PLAGL2: variants seen among roughly 807,000 people sequenced by gnomAD.
PLAGL2 encodes zinc finger protein PLAGL2.
Under a neutral mutation model 29.0 loss-of-function variants are expected in PLAGL2, and 7 were observed. The observed-to-expected ratio is 0.24, with a 90% CI of 0.14 to 0.45. PLAGL2 has a LOEUF of 0.45. Ranked by LOEUF, PLAGL2 falls within the 20% of genes least tolerant of loss-of-function variation. The pLI is 0.99. For synonymous variants in PLAGL2, 234 were observed against 266.0 expected, an observed-to-expected ratio of 0.88 and a Z score of 1.17; for missense variants, 454 against 648.2, an observed-to-expected ratio of 0.70 and a Z score of 3.25.
chr20:32,196,373 C>T lies in PLAGL2; in HGVS notation c.*79G>A, dbSNP rs2047227867. ...AACCCAGCTCTGAAAGCTCAGCTGC[C>T]TTCATGGGGGACACAGACGGGGTGG... On this transcript the variant is annotated 3_prime_UTR_variant, in exon 3 of 3. Transcript: ENST00000246229. 9.0e-7 allele frequency: 1 copy of T among 1,116,658 alleles called. No individual in the cohort carries two copies. Among genetic ancestry groups the T allele is most frequent in the African/African-American group, 1.6e-5 (1 of 62,362 alleles). 69.2% of individuals were successfully genotyped at this position (1,116,658 alleles called of 1,614,324 possible). A position where few individuals can be genotyped will look rare whatever the true frequency, so the allele number is the denominator to read the frequency against.
Position 32,196,695 on chromosome 20 carries a change from G to C in PLAGL2, c.1248C>G (p.His416Gln). 1 of 1,555,862 alleles carries C rather than the reference G, an allele frequency of 6.4e-7. No individual in the cohort carries two copies. Among genetic ancestry groups the C allele is most frequent in the South Asian group, 1.2e-5 (1 of 80,658 alleles). Reference sequence around the variant, plus strand: ...GGTTGAGTGGAAGAAAGCCCAGTAGGTGGGAGAAGTCCACATTAGCAGCGC... The same window carrying C: ...GGTTGAGTGGAAGAAAGCCCAGTAGCTGGGAGAAGTCCACATTAGCAGCGC... Reference protein sequence around the residue: ...ALCAANVDFSHLLGFLPLNLP... With the variant: ...ALCAANVDFSQLLGFLPLNLP... Residue 416 changes from histidine (H) to glutamine (Q), a missense_variant, in exon 3 of 3, where the codon CAC (histidine) becomes CAG (glutamine). Coordinates refer to ENST00000246229, the MANE Select transcript of PLAGL2 (RefSeq NM_002657.3).
In PLAGL2 at chr20:32,202,237, AG is replaced by A; in HGVS notation, c.-60del. On this transcript the variant is annotated 5_prime_UTR_variant, in exon 2 of 3. Transcript: ENST00000246229. ...GAAAGCCTCCCCATCCGCTCCACAC[AG>A]GCTCTCAGCTCTGTCACAGCCTCCA... 6.4e-7 allele frequency: 1 copy of A among 1,570,198 alleles called. No individual in the cohort carries two copies. Among genetic ancestry groups the A allele is most frequent in the Non-Finnish European group, 8.7e-7 (1 of 1,146,098 alleles).
rs2122523890 is a variant in PLAGL2 at position 32,193,247 on chromosome 20, G to C, written c.*3205C>G. The C allele has an allele frequency of 6.6e-6, 1 of 152,260 alleles. No individual in the cohort carries two copies. The highest frequency in any genetic ancestry group is 2.4e-5 in the African/African-American group (1 of 41,528). 9.4% of individuals were successfully genotyped at this position (152,260 alleles called of 1,614,324 possible). A position where few individuals can be genotyped will look rare whatever the true frequency, so the allele number is the denominator to read the frequency against. ...AGAAAACAGCTACCAAAAAGGGAGG[G>C]GGGAGTTTAAAGGACTACTAGGGAA... On this transcript the variant is annotated 3_prime_UTR_variant, in exon 3 of 3. Coordinates refer to ENST00000246229, the MANE Select transcript of PLAGL2 (RefSeq NM_002657.3).
rs933707154 is a variant in PLAGL2 at position 32,196,397 on chromosome 20, G to A, written c.*55C>T. 19 of 1,267,394 alleles carry A rather than the reference G, an allele frequency of 1.5e-5. No individual in the cohort carries two copies. The highest frequency in any genetic ancestry group is 4.6e-5 in the African/African-American group (3 of 65,660). 78.5% of individuals were successfully genotyped at this position (1,267,394 alleles called of 1,614,324 possible). On this transcript the variant is annotated 3_prime_UTR_variant, in exon 3 of 3. Transcript: ENST00000246229. Reference sequence around the variant, plus strand: ...CCTTCATGGGGGACACAGACGGGGTGGGTACTAAGGCTCCATAACAGAGCC... The same window carrying A: ...CCTTCATGGGGGACACAGACGGGGTAGGTACTAAGGCTCCATAACAGAGCC...
At position 32,202,195 on chromosome 20, in the gene PLAGL2, A is replaced by G. The variant is rs372432777; in HGVS notation, c.-17T>C. 2 of 1,613,084 alleles carry G rather than the reference A, an allele frequency of 1.2e-6. No homozygotes were observed. The highest frequency in any genetic ancestry group is 1.7e-6 in the Non-Finnish European group (2 of 1,179,382). On this transcript the variant is annotated 5_prime_UTR_variant, in exon 2 of 3. Coordinates refer to ENST00000246229, the MANE Select transcript of PLAGL2 (RefSeq NM_002657.3). ...TGTGGTCATGGCAAGGCTAATGGCA[A>G]AGGGCCATGTTATTGAGAAAGCCTC... is the stretch of plus-strand genomic sequence containing the variant.
At chr20:32,200,863 GGATTACAAGTGCGA>G (rs2047255976) in intron 2 of PLAGL2, among the ~76,000 whole-genome samples, 1 of 152,172 alleles carries the variant, frequency 6.6e-6, no homozygotes, top group South Asian at 2.1e-4. Context: ...CAAAGTGCTG[GGATTACAAGTGCGA>G]GCCACCACGC....
At position 32,196,475 on chromosome 20, in the gene PLAGL2, G is replaced by A. The variant is rs145582553; in HGVS notation, c.1468C>T (p.Arg490Cys). 10 of 1,481,558 alleles carry A rather than the reference G, an allele frequency of 6.7e-6. No individual in the cohort carries two copies. The African/African-American group carries it at 7.0e-5, about 10-fold the overall frequency. The allele number at this position is 1,481,558 out of a possible 1,614,324, so 91.8% of individuals were successfully genotyped here. A position where few individuals can be genotyped will look rare whatever the true frequency, so the allele number is the denominator to read the frequency against. The change falls in exon 3 of 3, where the codon CGT (arginine) becomes TGT (cysteine). Residue 490 changes from arginine (R) to cysteine (C), a missense_variant. Arg to Cys is a radical substitution (Grantham distance 180). Transcript: ENST00000246229. ...GGCTACTGGAATGCTTGATGGAAAC[G>A]AGGCAGGGTGGTGCTACTCAGGCCA... ...TSGLSSTTLP[R>C]FHQAFQ
At chr20:32,203,602 T>C (rs1399005856) in intron 1 of PLAGL2, among the ~76,000 whole-genome samples, 5 of 152,082 alleles carry the variant, frequency 3.3e-5, no homozygotes, top group Non-Finnish European at 7.4e-5. Flanking sequence ...CTGGGGATTA[T>C]CCACGAGAAT....
In PLAGL2 at chr20:32,196,875, T is replaced by C. The variant is rs1203650514; in HGVS notation, c.1068A>G (p.Lys356=). 2.5e-6 allele frequency: 4 copies of C among 1,614,120 alleles called. No individual in the cohort carries two copies. The highest frequency in any genetic ancestry group is 3.3e-5 in the Admixed American group (2 of 60,026). ...STSYLPDKLP[K]VEVDSFLAEL... ...CCGCCAGAAAACTATCCACCTCCAC[T>C]TTGGGCAATTTGTCGGGCAAGTATG... Residue 356 remains lysine, a synonymous_variant, in exon 3 of 3, where the codon AAA becomes AAG. Coordinates refer to ENST00000246229, the MANE Select transcript of PLAGL2 (RefSeq NM_002657.3).
chr20:32,196,592 T>C lies in PLAGL2; in HGVS notation c.1351A>G (p.Thr451Ala). The change falls in exon 3 of 3, where the codon ACC (threonine) becomes GCC (alanine). Residue 451 changes from threonine (T) to alanine (A), a missense_variant. Coordinates refer to ENST00000246229, the MANE Select transcript of PLAGL2 (RefSeq NM_002657.3). The part of the protein sequence containing the change: ...YSQAEAQPLL[T>A]TLQAQPQDSP... The stretch of plus-strand genomic sequence containing the variant: ...TCTTGAGGCTGAGCTTGCAAAGTGG[T>C]AAGCAGGGGCTGTGCCTCAGCCTGG... The C allele has an allele frequency of 1.3e-6, 2 of 1,539,962 alleles. No homozygotes were observed. The highest frequency in any genetic ancestry group is 8.7e-7 in the Non-Finnish European group (1 of 1,147,918).
In PLAGL2 at chr20:32,196,776, G is replaced by T. The variant is rs770111645; in HGVS notation, c.1167C>A (p.Ala389=). 12 of 1,607,222 alleles carry T rather than the reference G, an allele frequency of 7.5e-6. No individual in the cohort carries two copies. The highest frequency in any genetic ancestry group is 9.4e-6 in the Non-Finnish European group (11 of 1,176,078). The change falls in exon 3 of 3, where the codon GCC becomes GCA. Residue 389 remains alanine (A), a synonymous_variant. Coordinates refer to ENST00000246229, the MANE Select transcript of PLAGL2 (RefSeq NM_002657.3). ...TGGCAAGCAGTGCTTCATCTAGGAG[G>T]GCCGCAGCTGCCGCCGGCTGAGGTG... The part of the protein sequence containing the change: ...PASPQPAAAA[A]LLDEALLAKS...
chr20:32,201,535 T>C (rs528700763), intron 2 of PLAGL2, among the ~76,000 whole-genome samples: 10 of 152,258 alleles, frequency 6.6e-5, no homozygotes, highest in African/African-American at 1.9e-4. Context: ...AGTGAGCTGA[T>C]TGCACCACTG....
intron 1 of PLAGL2, among the ~76,000 whole-genome samples, chr20:32,205,108 T>C (rs570804274): frequency 2.0e-5 from 3 of 152,328 alleles, no homozygotes; most frequent in Admixed American, 6.5e-5. Flanking sequence ...AAGATTCGTA[T>C]AGAGGATTAA....
chr20:32,198,134 G>C (rs1242662533), intron 2 of PLAGL2, among the ~76,000 whole-genome samples: 1 of 152,176 alleles, frequency 6.6e-6, no homozygotes, highest in Admixed American at 6.5e-5. Context: ...CTTGTATATG[G>C]CTAAAATATT....
chr20:32,195,769 G>C lies in PLAGL2; in HGVS notation c.*683C>G, dbSNP rs1009827430. 6 of 152,730 alleles carry C rather than the reference G, an allele frequency of 3.9e-5. No homozygotes were observed. The highest frequency in any genetic ancestry group is 1.2e-4 in the African/African-American group (5 of 41,462). 9.5% of individuals were successfully genotyped at this position (152,730 alleles called of 1,614,324 possible). Reference sequence around the variant, plus strand: ...AGGCTGGTGCCAACTGGAATGGACTGATGGGAATGGATTCACGGTGTGTAA... The same window carrying C: ...AGGCTGGTGCCAACTGGAATGGACTCATGGGAATGGATTCACGGTGTGTAA... On this transcript the variant is annotated 3_prime_UTR_variant, in exon 3 of 3. Coordinates refer to ENST00000246229, the MANE Select transcript of PLAGL2 (RefSeq NM_002657.3).
rs1470431400 is a variant in PLAGL2 at position 32,193,713 on chromosome 20, T to C, written c.*2739A>G. 1 of 152,134 alleles carries C rather than the reference T, an allele frequency of 6.6e-6. No homozygotes were observed. The highest frequency in any genetic ancestry group is 1.5e-5 in the Non-Finnish European group (1 of 68,068). 9.4% of individuals were successfully genotyped at this position (152,134 alleles called of 1,614,324 possible). A position where few individuals can be genotyped will look rare whatever the true frequency, so the allele number is the denominator to read the frequency against. On this transcript the variant is annotated 3_prime_UTR_variant, in exon 3 of 3. Transcript: ENST00000246229. Reference sequence around the variant, plus strand: ...GTAAGCATACTGAAGTGAGTTCGGGTACTGAGTGCAGGATAAAGCTATTCT... The same window carrying C: ...GTAAGCATACTGAAGTGAGTTCGGGCACTGAGTGCAGGATAAAGCTATTCT...
Position 32,197,507 on chromosome 20 carries a change from G to C in PLAGL2, c.436C>G (p.Leu146Val), listed in dbSNP as rs1445423964. The C allele has an allele frequency of 1.9e-6, 3 of 1,614,104 alleles. No homozygotes were observed. Among genetic ancestry groups the C allele is most frequent in the Admixed American group, 1.7e-5 (1 of 60,028 alleles). ...YNTKLGYRRHLAMHAASSGDL... is the reference protein window; with the variant it reads ...YNTKLGYRRHVAMHAASSGDL... ...CCGCTGCTGGCAGCATGCATGGCCA[G>C]GTGGCGCCGGTAGCCCAGCTTCGTA... The change falls in exon 3 of 3, where the codon CTG (leucine) becomes GTG (valine). Residue 146 changes from leucine (L) to valine (V), a missense_variant. This residue lies in a region of PLAGL2 where 111 missense variants were observed against 173.1 expected (regional missense o/e 0.64). Coordinates refer to ENST00000246229, the MANE Select transcript of PLAGL2 (RefSeq NM_002657.3). The surrounding 1 kb of genome is among the most constrained non-coding windows in gnomAD (Gnocchi z 6.6).
intron 1 of PLAGL2, among the ~76,000 whole-genome samples, chr20:32,206,255 T>TC (rs546647489): frequency 3.7e-4 from 56 of 151,560 alleles, no homozygotes; most frequent in East Asian, 2.9e-3. Context: ...GTCGCCCCCT[T>TC]CCCCCCCGCC....
chr20:32,204,306 C>T (rs1238073226), intron 1 of PLAGL2, among the ~76,000 whole-genome samples: 5 of 152,158 alleles, frequency 3.3e-5, no homozygotes, highest in Non-Finnish European at 7.3e-5. Context: ...TCCACACAAA[C>T]TCAGAAAGAG....
Sources: gnomAD v4.1 joint callset for allele counts (sites outside exome capture counted in the v4.1 genomes callset) on GRCh38, gnomAD v4.1.1 for gene constraint, gnomAD v4.1.1 regional missense constraint, Gnocchi (gnomAD v3.1) non-coding constraint, MANE v1.5 for transcripts, NCBI Gene and HGNC (gene_info 2026-07-23, HGNC 2026-07-21) for gene names.